SCD5: variants seen among roughly 807,000 people sequenced by gnomAD.
The protein encoded by SCD5 is stearoyl-CoA desaturase 5, also known as acyl-CoA-desaturase 4.
A neutral mutation model predicts 30.4 loss-of-function variants in SCD5; 20 were observed. That is an observed-to-expected ratio of 0.66 (90% CI 0.46 to 0.96). The LOEUF is 0.96. SCD5 is among the 40% of genes least tolerant of loss of function. The pLI is 0.00. For synonymous variants in SCD5, 173 were observed against 176.4 expected, an observed-to-expected ratio of 0.98 and a Z score of 0.16; for missense variants, 381 against 443.3, an observed-to-expected ratio of 0.86 and a Z score of 1.26.
intron 1 of SCD5, among the ~76,000 whole-genome samples, chr4:82,794,027 C>T (rs1309762791): frequency 6.6e-6 from 1 of 152,188 alleles, no homozygotes; most frequent in Non-Finnish European, 1.5e-5. Flanking sequence ...CATCTTTGGG[C>T]AAATTTCAGA....
chr4:82,713,243 T>A (rs775034635), intron 1 of SCD5, among the ~76,000 whole-genome samples: 2 of 152,238 alleles, frequency 1.3e-5, no homozygotes, highest in Admixed American at 6.5e-5. Context: ...TTTCCTCAAG[T>A]GTCCTTCCTG....
chr4:82,747,040 G>A (rs1393738879), intron 1 of SCD5, among the ~76,000 whole-genome samples: 1 of 147,662 alleles, frequency 6.8e-6, no homozygotes, highest in South Asian at 2.2e-4. Context: ...TTCGGTTGGG[G>A]GGCAGTTAGA....
chr4:82,778,145 C>T (rs997340137), intron 1 of SCD5, among the ~76,000 whole-genome samples: 4 of 152,114 alleles, frequency 2.6e-5, no homozygotes, highest in Non-Finnish European at 5.9e-5. Context: ...CACGTTCTCA[C>T]TCATAAGTGG....
intron 3 of SCD5, among the ~76,000 whole-genome samples, chr4:82,647,082 C>T (rs1002091676): frequency 6.6e-6 from 1 of 152,190 alleles, no homozygotes; most frequent in African/African-American, 2.4e-5. Context: ...ATCTTGGCTT[C>T]CCAAAGTGCT....
intron 1 of SCD5, among the ~76,000 whole-genome samples, chr4:82,751,610 TCTTTTA>T (rs763162301): frequency 1.3e-5 from 2 of 151,988 alleles, no homozygotes; most frequent in Non-Finnish European, 2.9e-5. Flanking sequence ...ATCTTTTGAA[TCTTTTA>T]CTTTTATTTA....
At chr4:82,744,853 A>G (rs982024300) in intron 1 of SCD5, among the ~76,000 whole-genome samples, 2 of 151,534 alleles carry the variant, frequency 1.3e-5, no homozygotes, top group Non-Finnish European at 2.9e-5. Context: ...GTGGAGCGAG[A>G]GGGAAAGGGA....
Position 82,632,498 on chromosome 4 carries a change from C to T in SCD5, c.803-981G>A, listed in dbSNP as rs963364367. On this transcript the variant is annotated intron_variant, in intron 4 of 4. Coordinates refer to ENST00000319540, the MANE Select transcript of SCD5 (RefSeq NM_001037582.3). ...TGTTAATAGTGCCACAATAAACATA[C>T]GTGTGCATGTGTCTTTATAGTAGCA... 4.6e-5 allele frequency among the ~76,000 whole-genome samples: 7 copies of T among 152,020 alleles called. No homozygotes were observed. The East Asian group carries it at 5.8e-4, about 13-fold the overall frequency.
chr4:82,716,567 A>G (rs1387247715), intron 1 of SCD5, among the ~76,000 whole-genome samples: 2 of 151,790 alleles, frequency 1.3e-5, no homozygotes, highest in African/African-American at 4.9e-5. Flanking sequence ...TAATTCCAGC[A>G]CTTTGGGAGG....
chr4:82,636,818 T>C lies in SCD5; in HGVS notation c.575A>G (p.Tyr192Cys). 6.2e-7 allele frequency: 1 copy of C among 1,610,784 alleles called. No homozygotes were observed. The highest frequency in any genetic ancestry group is 1.3e-5 in the African/African-American group (1 of 75,008). ...GCACATGAGCACCACGGAGATCTTA[T>C]AGTACCTACAGGGCAAGACACCATA... ...DPVVRIQRKY[Y>C]KISVVLMCFV... Residue 192 changes from tyrosine (Y) to cysteine (C), a missense_variant, in exon 4 of 5, where the codon TAT becomes TGT. Physicochemically the swap from Tyr to Cys is radical, Grantham distance 194. Transcript: ENST00000319540.
At chr4:82,669,075 T>C (rs1560529194) in intron 3 of SCD5, among the ~76,000 whole-genome samples, 1 of 152,054 alleles carries the variant, frequency 6.6e-6, no homozygotes, top group Non-Finnish European at 1.5e-5. Flanking sequence ...CATAAAACCA[T>C]GATCAAAGAG....
intron 1 of SCD5, among the ~76,000 whole-genome samples, chr4:82,739,358 G>A (rs767750148): frequency 6.6e-6 from 1 of 152,212 alleles, no homozygotes; most frequent in Non-Finnish European, 1.5e-5. Context: ...CCTCACGAGC[G>A]AATGGAAACC....
chr4:82,785,030 T>C (rs1365854619), intron 1 of SCD5, among the ~76,000 whole-genome samples: 2 of 152,230 alleles, frequency 1.3e-5, no homozygotes, highest in East Asian at 1.9e-4. Flanking sequence ...TTAGCTCTAA[T>C]AGCTGTGACT....
At chr4:82,781,658 C>T (rs1380249598) in intron 1 of SCD5, among the ~76,000 whole-genome samples, 1 of 152,030 alleles carries the variant, frequency 6.6e-6, no homozygotes, top group Non-Finnish European at 1.5e-5. Flanking sequence ...GAATTAATGC[C>T]ATTACTGTAG....
At chr4:82,771,453 A>T (rs1578061685) in intron 1 of SCD5, among the ~76,000 whole-genome samples, 2 of 152,368 alleles carry the variant, frequency 1.3e-5, no homozygotes, top group East Asian at 3.9e-4. Context: ...TAATTTCATT[A>T]AGGACCCACC....
chr4:82,796,006 C>T (rs576375839), intron 1 of SCD5, among the ~76,000 whole-genome samples: 28 of 151,600 alleles, frequency 1.8e-4, no homozygotes, highest in African/African-American at 6.8e-4. Flanking sequence ...CGCAGTGGCT[C>T]ACGCCTGTAA....
Position 82,680,834 on chromosome 4 carries a change from G to A in SCD5, c.442C>T (p.Arg148Cys), listed in dbSNP as rs766213941. Residue 148 changes from arginine to cysteine, a missense_variant, in exon 3 of 5, where the codon CGC (arginine) becomes TGC (cysteine). Arg to Cys is a radical substitution (Grantham distance 180). Transcript: ENST00000319540. Reference sequence around the variant, plus strand: ...ATATGGGAGAAGAAGAAGCCCCGGCGGGCATTGTGGGGGTCAGCATCCGTC... The same window carrying A: ...ATATGGGAGAAGAAGAAGCCCCGGCAGGCATTGTGGGGGTCAGCATCCGTC... ...SETDADPHNA[R>C]RGFFFSHIGW... 3.1e-6 allele frequency: 5 copies of A among 1,613,774 alleles called. No individual in the cohort carries two copies. Among genetic ancestry groups the A allele is most frequent in the Admixed American group, 1.7e-5 (1 of 59,980 alleles).
chr4:82,651,472 G>T (rs1168491707), intron 3 of SCD5, among the ~76,000 whole-genome samples: 1 of 152,082 alleles, frequency 6.6e-6, no homozygotes, highest in Non-Finnish European at 1.5e-5. Context: ...GGGAAAGGGT[G>T]GGGGGTGGTG....
intron 2 of SCD5, among the ~76,000 whole-genome samples, chr4:82,688,730 A>G (rs1728765181): frequency 6.6e-6 from 1 of 152,218 alleles, no homozygotes; most frequent in Non-Finnish European, 1.5e-5. Flanking sequence ...GTAAGTGTTG[A>G]AAAGTCAACC....
At chr4:82,705,197 G>T in intron 2 of SCD5, 86 bp downstream of exon 2, 1 of 1,525,548 alleles carries the variant, frequency 6.6e-7, no homozygotes, top group Non-Finnish European at 9.0e-7. Flanking sequence ...GGACAGGGGT[G>T]GAGGGGTGTC....
Sources: gnomAD v4.1 joint callset for allele counts (sites outside exome capture counted in the v4.1 genomes callset) on GRCh38, gnomAD v4.1.1 for gene constraint, MANE v1.5 for transcripts, NCBI Gene and HGNC (gene_info 2026-07-23, HGNC 2026-07-21) for gene names.